NT5C2: variants seen among roughly 807,000 people sequenced by gnomAD.
NT5C2 encodes cytosolic purine 5'-nucleotidase.
A neutral mutation model predicts 76.1 loss-of-function variants in NT5C2; 58 were observed. The observed-to-expected ratio is 0.76, with a 90% CI of 0.62 to 0.95. The LOEUF is 0.95. Among genes scored for constraint, NT5C2 ranks in the 40% least tolerant of loss-of-function variants. The pLI is 0.00. For missense variants in NT5C2, 478 were observed against 690.3 expected, an observed-to-expected ratio of 0.69 and a Z score of 3.45; for synonymous variants, 229 against 237.4, an observed-to-expected ratio of 0.96 and a Z score of 0.32.
At position 103,094,385 on chromosome 10, in the gene NT5C2, A is replaced by C; in HGVS notation, c.884T>G (p.Phe295Cys). ...LILVDARKPL[F>C]FGEGTVLRQV... ...ACGCAGTACTGTGCCTTCTCCAAAAAAGAGTGGTTTCCGTGCATCCACCAA... is the reference window on the plus strand; with the variant it reads ...ACGCAGTACTGTGCCTTCTCCAAAACAGAGTGGTTTCCGTGCATCCACCAA... Residue 295 changes from phenylalanine to cysteine, a missense_variant, in exon 13 of 19, where the codon TTT becomes TGT. Physicochemically the swap from Phe to Cys is radical, Grantham distance 205. Coordinates refer to ENST00000404739, the MANE Select transcript of NT5C2 (RefSeq NM_001351169.2). 1 of 1,613,514 alleles carries C rather than the reference A, an allele frequency of 6.2e-7. No individual in the cohort carries two copies. Among genetic ancestry groups the C allele is most frequent in the Non-Finnish European group, 8.5e-7 (1 of 1,179,526 alleles).
Position 103,094,605 on chromosome 10 carries a change from C to T in NT5C2, c.814-150G>A, listed in dbSNP as rs139041004. 63 of 609,818 alleles carry T rather than the reference C, an allele frequency of 1.0e-4. No individual in the cohort carries two copies. The East Asian group carries it at 1.8e-3, about 17-fold the overall frequency. The allele number at this position is 609,818 out of a possible 1,614,324, so 37.8% of individuals were successfully genotyped here. The stretch of plus-strand genomic sequence containing the variant: ...TTTTTTAAAAAGGTATTGTGTCAGC[C>T]AGGCACAGTGGCTCACACCTGTAAT... On this transcript the variant is annotated intron_variant, in intron 12 of 18. Coordinates refer to ENST00000404739, the MANE Select transcript of NT5C2 (RefSeq NM_001351169.2).
chr10:103,147,009 G>A (rs1039927375), intron 3 of NT5C2, among the ~76,000 whole-genome samples: 2 of 152,174 alleles, frequency 1.3e-5, no homozygotes, highest in African/African-American at 4.8e-5. Flanking sequence ...TTTGTTTGTT[G>A]AATGTAGTAA....
chr10:103,181,307 G>A lies in NT5C2; in HGVS notation c.-147C>T, dbSNP rs1201331605. 1 of 150,202 alleles carries A rather than the reference G, an allele frequency of 6.7e-6. No homozygotes were observed. Among genetic ancestry groups the A allele is most frequent in the East Asian group, 2.0e-4 (1 of 5,108 alleles). The allele number at this position is 150,202 out of a possible 1,614,324, so 9.3% of individuals were successfully genotyped here. A position where few individuals can be genotyped will look rare whatever the true frequency, so the allele number is the denominator to read the frequency against. Reference sequence around the variant, plus strand: ...CAGGAGATCACATCACTGTACTCCAGCCTGGGCAGCAGAGCGAAACTCTGT... The same window carrying A: ...CAGGAGATCACATCACTGTACTCCAACCTGGGCAGCAGAGCGAAACTCTGT... On this transcript the variant is annotated 5_prime_UTR_variant, in exon 2 of 19. Coordinates refer to ENST00000404739, the MANE Select transcript of NT5C2 (RefSeq NM_001351169.2).
chr10:103,123,629 A>G (rs2076119828), intron 4 of NT5C2, among the ~76,000 whole-genome samples: 1 of 152,204 alleles, frequency 6.6e-6, no homozygotes, highest in African/African-American at 2.4e-5. Flanking sequence ...GTTCATTTCT[A>G]TCTTCCTGAA....
intron 4 of NT5C2, among the ~76,000 whole-genome samples, chr10:103,107,227 A>G (rs1316637560): frequency 6.6e-6 from 1 of 152,176 alleles, no homozygotes; most frequent in Non-Finnish European, 1.5e-5. Flanking sequence ...TCTCCAATCA[A>G]CATATTTGTT....
chr10:103,098,121 G>A (rs977852100), intron 10 of NT5C2: 1 of 513,466 alleles, frequency 1.9e-6, no homozygotes, highest in Non-Finnish European at 3.9e-6. Flanking sequence ...GTCATCTTGG[G>A]GCACTATGTG....
intron 9 of NT5C2, among the ~76,000 whole-genome samples, 179 bp downstream of exon 9, chr10:103,099,747 C>G (rs1244563417): frequency 2.0e-5 from 3 of 147,866 alleles, no homozygotes; most frequent in African/African-American, 7.5e-5. Context: ...GAAAGATCAA[C>G]ATTACCACCG....
intron 3 of NT5C2, among the ~76,000 whole-genome samples, chr10:103,147,153 G>GCACTGT (rs2081616816): frequency 6.6e-6 from 1 of 152,176 alleles, no homozygotes; most frequent in Non-Finnish European, 1.5e-5. Flanking sequence ...AGTTTGAGAA[G>GCACTGT]CACTGTCCTA....
At chr10:103,177,930 C>T (rs543783820) in intron 2 of NT5C2, among the ~76,000 whole-genome samples, 137 of 152,306 alleles carry the variant, frequency 9.0e-4, no homozygotes, top group Non-Finnish European at 1.4e-3. Flanking sequence ...GCAGTTTCTT[C>T]CCACTATGCC....
intron 3 of NT5C2, among the ~76,000 whole-genome samples, chr10:103,156,054 T>C (rs2083302758): frequency 6.6e-6 from 1 of 151,986 alleles, no homozygotes; most frequent in Non-Finnish European, 1.5e-5. Flanking sequence ...TAGTCCCAGG[T>C]ACTTGGGAGG....
At chr10:103,118,534 T>G (rs1018793292) in intron 4 of NT5C2, among the ~76,000 whole-genome samples, 1 of 151,992 alleles carries the variant, frequency 6.6e-6, no homozygotes, top group African/African-American at 2.4e-5. Flanking sequence ...TTGCATTTTT[T>G]GTAGAGATGC....
At position 103,098,822 on chromosome 10, in the gene NT5C2, A is replaced by G. The variant is rs1017554365; in HGVS notation, c.687+109T>C. On this transcript the variant is annotated intron_variant, in intron 10 of 18. Transcript: ENST00000404739. ...GATTATACCCGACACATACTATGCC[A>G]AGACAAATCTCTTCTTTTGTCCATT... 12 of 795,188 alleles carry G rather than the reference A, an allele frequency of 1.5e-5. No homozygotes were observed. The Admixed American group carries it at 3.1e-4, about 20-fold the overall frequency. The allele number at this position is 795,188 out of a possible 1,614,324, so 49.3% of individuals were successfully genotyped here.
chr10:103,161,973 CA>C (rs1251668860), intron 3 of NT5C2, among the ~76,000 whole-genome samples: 1 of 152,082 alleles, frequency 6.6e-6, no homozygotes, highest in Non-Finnish European at 1.5e-5. Flanking sequence ...TACTAAAAGC[CA>C]CTGAATAATA....
At chr10:103,164,683 C>A (rs943131071) in intron 3 of NT5C2, among the ~76,000 whole-genome samples, 1 of 152,114 alleles carries the variant, frequency 6.6e-6, no homozygotes, top group African/African-American at 2.4e-5. Flanking sequence ...ATTACTGATA[C>A]AAAAACATGA....
chr10:103,096,004 G>T (rs373430942), intron 11 of NT5C2, 24 bp from the exon 12 acceptor site: 18 of 1,590,738 alleles, frequency 1.1e-5, no homozygotes, highest in Admixed American at 1.7e-5. Context: ...TTTAACATAA[G>T]GTCCATATAC....
At chr10:103,102,668 G>C (rs959758780) in intron 6 of NT5C2, among the ~76,000 whole-genome samples, 1 of 151,844 alleles carries the variant, frequency 6.6e-6, no homozygotes, top group Non-Finnish European at 1.5e-5. Context: ...TTTGGCTGGG[G>C]GAACATTAAA....
At chr10:103,141,243 G>C (rs1376883894) in intron 3 of NT5C2, among the ~76,000 whole-genome samples, 1 of 152,160 alleles carries the variant, frequency 6.6e-6, no homozygotes, top group African/African-American at 2.4e-5. Flanking sequence ...GATGGCTTTA[G>C]CTCAAGAGTT....
At chr10:103,094,520 C>CCG in intron 12 of NT5C2, 65 bp from the exon 13 acceptor site, 2 of 818,686 alleles carry the variant, frequency 2.4e-6, no homozygotes, top group Admixed American at 3.8e-5. Flanking sequence ...ACTATTTAAT[C>CCG]TCACTCAGAT....
chr10:103,132,852 G>A (rs1233111335), intron 4 of NT5C2, among the ~76,000 whole-genome samples: 2 of 151,496 alleles, frequency 1.3e-5, no homozygotes, highest in Non-Finnish European at 2.9e-5. Context: ...GCCTGGCCGC[G>A]GTCTAAAGTA....
Sources: gnomAD v4.1 joint callset for allele counts (sites outside exome capture counted in the v4.1 genomes callset) on GRCh38, gnomAD v4.1.1 for gene constraint, MANE v1.5 for transcripts, NCBI Gene and HGNC (gene_info 2026-07-23, HGNC 2026-07-21) for gene names.